Variants in EGFR observed in about 807,000 individuals in gnomAD.
EGFR encodes the protein avian erythroblastic leukemia viral (v-erb-b) oncogene homolog.
In EGFR, 58 loss-of-function variants were observed where a neutral mutation model predicts 143.0. The ratio of observed to expected loss-of-function variants is 0.41; its 90% CI spans 0.33 to 0.50. The LOEUF is 0.50. EGFR is among the 20% of genes least tolerant of loss of function. The probability of loss-of-function intolerance (pLI) is 0.39; values close to 1 mark genes in which losing one functional copy is unlikely to be tolerated. For synonymous variants in EGFR, 613 were observed against 594.4 expected, an observed-to-expected ratio of 1.03 and a Z score of -0.45; for missense variants, 1,307 against 1,579.0, an observed-to-expected ratio of 0.83 and a Z score of 2.92.
intron 20 of EGFR, 107 bp downstream of exon 20, chr7:55,181,585 C>A: frequency 7.7e-7 from 1 of 1,305,860 alleles, no homozygotes; most frequent in South Asian, 1.2e-5. Flanking sequence ...TATGTGTGTG[C>A]GTGCATGCAG....
At chr7:55,181,555 G>A (rs1299248108) in intron 20 of EGFR, 77 bp downstream of exon 20, 4 of 1,568,422 alleles carry the variant, frequency 2.6e-6, no homozygotes, top group African/African-American at 1.4e-5. Context: ...TCCTGGGATA[G>A]CAAGAGTTTG....
At chr7:55,121,652 C>G (rs1041724363) in intron 1 of EGFR, among the ~76,000 whole-genome samples, 7 of 152,146 alleles carry the variant, frequency 4.6e-5, no homozygotes, top group Non-Finnish European at 1.0e-4. Context: ...AAAACAGACC[C>G]CTAGACATAC....
At chr7:55,140,657 G>C (rs1794407995) in intron 1 of EGFR, among the ~76,000 whole-genome samples, 1 of 152,150 alleles carries the variant, frequency 6.6e-6, no homozygotes, top group Non-Finnish European at 1.5e-5. Context: ...CCATACTCCT[G>C]AGGAAAAGCA....
intron 1 of EGFR, among the ~76,000 whole-genome samples, chr7:55,041,695 C>G (rs1787909051): frequency 6.6e-6 from 1 of 152,112 alleles, no homozygotes; most frequent in Admixed American, 6.6e-5. Flanking sequence ...TTCTCATTGG[C>G]CTTTTGTATA....
chr7:55,052,809 C>T (rs1788566711), intron 1 of EGFR, among the ~76,000 whole-genome samples: 1 of 152,136 alleles, frequency 6.6e-6, no homozygotes, highest in African/African-American at 2.4e-5. Flanking sequence ...GCTTCTGGAG[C>T]ACTGTAATGT....
Position 55,170,481 on chromosome 7 carries a change from A to T in EGFR, c.1881-694A>T, listed in dbSNP as rs762109788. 5 of 1,613,930 alleles carry T rather than the reference A, an allele frequency of 3.1e-6. No individual in the cohort carries two copies. The East Asian group carries it at 8.9e-5, about 29-fold the overall frequency. ...CAGAGTTTCAGCTGGGTTGGGGTGG[A>T]TGCAGCCACCTCCATGCCTGGCCTT... On this transcript the variant is annotated intron_variant, in intron 15 of 27. Coordinates refer to ENST00000275493, the MANE Select transcript of EGFR (RefSeq NM_005228.5).
chr7:55,144,554 G>T (rs937145831), intron 3 of EGFR, among the ~76,000 whole-genome samples: 19 of 152,300 alleles, frequency 1.2e-4, no homozygotes, highest in African/African-American at 4.1e-4. Flanking sequence ...AGCCCAACAG[G>T]GGTGCAGCGC....
intron 4 of EGFR, among the ~76,000 whole-genome samples, 161 bp downstream of exon 4, chr7:55,146,901 C>T (rs575824936): frequency 4.6e-5 from 7 of 152,370 alleles, no homozygotes; most frequent in South Asian, 2.1e-4. Flanking sequence ...GTATTTACCA[C>T]GGACATAGAG....
At chr7:55,114,514 T>C (rs1049939014) in intron 1 of EGFR, among the ~76,000 whole-genome samples, 1 of 152,134 alleles carries the variant, frequency 6.6e-6, no homozygotes. Flanking sequence ...AATTAAAACA[T>C]TTAAAAATAC....
chr7:55,190,127 C>T (rs2128963198), intron 20 of EGFR, among the ~76,000 whole-genome samples: 1 of 152,168 alleles, frequency 6.6e-6, no homozygotes, highest in South Asian at 2.1e-4. Flanking sequence ...GGCTTCTGCC[C>T]CCCCTCTCCT....
intron 1 of EGFR, among the ~76,000 whole-genome samples, chr7:55,056,984 C>A (rs1788863386): frequency 6.6e-6 from 1 of 152,192 alleles, no homozygotes; most frequent in Non-Finnish European, 1.5e-5. Context: ...GCCAACAGAG[C>A]AGAGAGTCAG....
At chr7:55,146,897 A>T (rs1333588872) in intron 4 of EGFR, among the ~76,000 whole-genome samples, 157 bp downstream of exon 4, 8 of 152,266 alleles carry the variant, frequency 5.3e-5, no homozygotes, top group African/African-American at 9.6e-5. Context: ...GCATGTATTT[A>T]CCACGGACAT....
At chr7:55,129,067 G>C (rs1793691355) in intron 1 of EGFR, among the ~76,000 whole-genome samples, 1 of 152,204 alleles carries the variant, frequency 6.6e-6, no homozygotes, top group South Asian at 2.1e-4. Flanking sequence ...CAAAATGTTT[G>C]TGCTGTTCTC....
chr7:55,091,497 T>C (rs1423302571), intron 1 of EGFR, among the ~76,000 whole-genome samples: 3 of 152,148 alleles, frequency 2.0e-5, no homozygotes, highest in Non-Finnish European at 4.4e-5. Context: ...GGGTGGGGCC[T>C]GCAGTTATCC....
chr7:55,029,163 C>CA (rs1024959315), intron 1 of EGFR, among the ~76,000 whole-genome samples: 14 of 150,240 alleles, frequency 9.3e-5, no homozygotes, highest in East Asian at 5.8e-4. Flanking sequence ...AGTCAAAAAA[C>CA]AAAAAAAAAG....
chr7:55,205,131 C>G, intron 27 of EGFR, 125 bp from the exon 28 acceptor site: 5 of 1,453,794 alleles, frequency 3.4e-6, no homozygotes, highest in Non-Finnish European at 4.6e-6. Context: ...GAGGGCCCTC[C>G]CGAGGCTCCT....
intron 20 of EGFR, among the ~76,000 whole-genome samples, chr7:55,187,285 G>A (rs1358516530): frequency 5.7e-5 from 7 of 121,942 alleles, no homozygotes; most frequent in Non-Finnish European, 7.3e-5. Flanking sequence ...GCACCTACCC[G>A]GGACTCTCCA....
chr7:55,106,210 A>C (rs1489656298), intron 1 of EGFR, among the ~76,000 whole-genome samples: 1 of 152,220 alleles, frequency 6.6e-6, no homozygotes, highest in Non-Finnish European at 1.5e-5. Flanking sequence ...AGTGCCTGCA[A>C]TCCTGGAGTG....
chr7:55,203,709 TAC>T (rs547031573), intron 27 of EGFR, among the ~76,000 whole-genome samples: 1 of 133,464 alleles, frequency 7.5e-6, no homozygotes, highest in South Asian at 2.5e-4. Context: ...GCACCACACA[TAC>T]ACACACGTAG....
Sources: allele counts gnomAD v4.1 joint callset (sites outside exome capture counted in the v4.1 genomes callset), GRCh38; gene constraint gnomAD v4.1.1; transcripts MANE v1.5; gene names NCBI Gene and HGNC (gene_info 2026-07-23, HGNC 2026-07-21).